PKN2: variants seen among roughly 807,000 people sequenced by gnomAD.
PKN2 encodes the protein protein kinase N2.
In PKN2, 38 loss-of-function variants were observed where a neutral mutation model predicts 119.1. The ratio of observed to expected loss-of-function variants is 0.32; its 90% confidence interval spans 0.25 to 0.42. The LOEUF (loss-of-function observed/expected upper bound fraction) is 0.42. Ranked by LOEUF, PKN2 falls within the 10% of genes least tolerant of loss-of-function variation. The pLI is 1.00. For missense variants in PKN2, 850 were observed against 1,165.1 expected (o/e 0.73, Z 3.94); for synonymous variants, 390 against 384.9 (o/e 1.01, Z -0.15).
intron 1 of PKN2, among the ~76,000 whole-genome samples, chr1:88,722,167 A>C (rs373470509): frequency 3.5e-4 from 54 of 152,246 alleles, no homozygotes; most frequent in East Asian, 1.2e-3. Context: ...TAAGATTATA[A>C]GAATGTGGAA....
intron 2 of PKN2, among the ~76,000 whole-genome samples, chr1:88,743,748 C>T (rs1262128046): frequency 1.3e-5 from 2 of 152,092 alleles, no homozygotes; most frequent in Admixed American, 6.6e-5. Context: ...CCCAGCAAAT[C>T]GCATCTTATA....
At chr1:88,781,843 A>C (rs1670358060) in intron 6 of PKN2, among the ~76,000 whole-genome samples, 1 of 152,162 alleles carries the variant, frequency 6.6e-6, no homozygotes, top group Non-Finnish European at 1.5e-5. Flanking sequence ...TAACAACAAC[A>C]AAACAAATAA....
At chr1:88,784,249 G>A (rs865783006) in intron 6 of PKN2, among the ~76,000 whole-genome samples, 4 of 147,316 alleles carry the variant, frequency 2.7e-5, no homozygotes, top group Admixed American at 6.9e-5. Context: ...CCAGCCTCCC[G>A]GATAGCTGGG....
chr1:88,822,370 A>C (rs1388027016), intron 17 of PKN2, among the ~76,000 whole-genome samples: 1 of 152,138 alleles, frequency 6.6e-6, no homozygotes, highest in Non-Finnish European at 1.5e-5. Flanking sequence ...CTTGTGTTAG[A>C]GTGTAAAACA....
At chr1:88,734,746 T>C (rs967555036) in intron 1 of PKN2, among the ~76,000 whole-genome samples, 4 of 152,338 alleles carry the variant, frequency 2.6e-5, no homozygotes, top group South Asian at 2.1e-4. Flanking sequence ...TTCCCTGTTA[T>C]TTTTGGTGTA....
intron 1 of PKN2, among the ~76,000 whole-genome samples, chr1:88,720,075 C>G (rs1667608595): frequency 6.6e-6 from 1 of 152,032 alleles, no homozygotes; most frequent in Non-Finnish European, 1.5e-5. Flanking sequence ...CTCTGTTGCT[C>G]AGGGTGGAGT....
At chr1:88,765,494 GA>G (rs113623747) in intron 3 of PKN2, among the ~76,000 whole-genome samples, 3,649 of 152,084 alleles carry the variant, frequency 0.024, 151 homozygotes, top group African/African-American at 0.084. Flanking sequence ...AATTGATATA[GA>G]AAAAAGTTGC....
intron 1 of PKN2, among the ~76,000 whole-genome samples, chr1:88,717,558 A>T (rs1403017359): frequency 1.3e-5 from 2 of 151,552 alleles, no homozygotes; most frequent in Admixed American, 6.6e-5. Context: ...TCAATCACTG[A>T]TATCCTTTCT....
chr1:88,767,595 G>A (rs575376585), intron 3 of PKN2, among the ~76,000 whole-genome samples: 12 of 152,260 alleles, frequency 7.9e-5, no homozygotes, highest in Non-Finnish European at 1.8e-4. Flanking sequence ...GTAGGCAATT[G>A]TAACACAATG....
At chr1:88,764,824 TTG>T (rs1295361720) in intron 3 of PKN2, among the ~76,000 whole-genome samples, 1 of 152,104 alleles carries the variant, frequency 6.6e-6, no homozygotes, top group Non-Finnish European at 1.5e-5. Context: ...GCATCATTGG[TTG>T]TGTTTGTTTT....
At chr1:88,707,374 A>C (rs1394076779) in intron 1 of PKN2, among the ~76,000 whole-genome samples, 1 of 152,028 alleles carries the variant, frequency 6.6e-6, no homozygotes. Flanking sequence ...TTATTCAAGG[A>C]GATGCATGTT....
At chr1:88,714,183 A>G (rs1324478571) in intron 1 of PKN2, among the ~76,000 whole-genome samples, 1 of 152,178 alleles carries the variant, frequency 6.6e-6, no homozygotes, top group Non-Finnish European at 1.5e-5. Context: ...TGGTTACTGT[A>G]GCCTTGTAGT....
chr1:88,789,228 T>G (rs1243472607), intron 8 of PKN2, among the ~76,000 whole-genome samples: 1 of 152,086 alleles, frequency 6.6e-6, no homozygotes, highest in Non-Finnish European at 1.5e-5. Flanking sequence ...TGTTGAAGTA[T>G]TAGAGAGAGT....
chr1:88,781,856 AAC>A (rs1443088774), intron 6 of PKN2, among the ~76,000 whole-genome samples: 2 of 152,158 alleles, frequency 1.3e-5, no homozygotes, highest in South Asian at 2.1e-4. Flanking sequence ...ACAAATAAGA[AAC>A]ACAAATTTTT....
intron 1 of PKN2, among the ~76,000 whole-genome samples, chr1:88,722,849 A>T (rs770086381): frequency 1.3e-5 from 2 of 152,098 alleles, no homozygotes; most frequent in Admixed American, 6.5e-5. Flanking sequence ...GGGACATAGT[A>T]GTGAGCAAGA....
intron 1 of PKN2, among the ~76,000 whole-genome samples, chr1:88,698,911 C>T (rs1421637964): frequency 6.6e-6 from 1 of 152,056 alleles, no homozygotes; most frequent in African/African-American, 2.4e-5. Flanking sequence ...GTTTCCTTTA[C>T]GACTATGTTT....
chr1:88,805,431 A>T, intron 10 of PKN2, 66 bp from the exon 11 acceptor site: 2 of 1,338,118 alleles, frequency 1.5e-6, no homozygotes, highest in Non-Finnish European at 2.0e-6. Context: ...AAGAATTTTT[A>T]AATTATGACT....
chr1:88,727,873 C>A (rs1667961065), intron 1 of PKN2, among the ~76,000 whole-genome samples: 1 of 152,146 alleles, frequency 6.6e-6, no homozygotes, highest in African/African-American at 2.4e-5. Flanking sequence ...GTCCAGATCC[C>A]CACTCAGCAC....
intron 9 of PKN2, 44 bp from the exon 10 acceptor site, chr1:88,804,802 G>T: frequency 1.9e-6 from 2 of 1,059,938 alleles, no homozygotes; most frequent in South Asian, 2.8e-5. Context: ...TAGATTTCAT[G>T]AACCATGCTA....
Sources: gnomAD v4.1 joint callset for allele counts (sites outside exome capture counted in the v4.1 genomes callset) on GRCh38, gnomAD v4.1.1 for gene constraint, MANE v1.5 for transcripts, NCBI Gene and HGNC (gene_info 2026-07-23, HGNC 2026-07-21) for gene names.